The following TOR3A variants were observed in gnomAD, a reference collection of about 807,000 sequenced individuals.
TOR3A encodes torsin-3A.
In TOR3A, 44 loss-of-function variants were observed where a neutral mutation model predicts 42.1. The ratio of observed to expected loss-of-function variants is 1.04; its 90% CI spans 0.82 to 1.34. The LOEUF (loss-of-function observed/expected upper bound fraction) is 1.34, where lower values mean the gene tolerates loss of function less well. TOR3A is among the 40% of genes most tolerant of loss of function. TOR3A has a pLI of 0.00. For missense variants in TOR3A, 521 were observed against 507.6 expected, an observed-to-expected ratio of 1.03 and a Z score of -0.25; for synonymous variants, 227 against 213.2, an observed-to-expected ratio of 1.06 and a Z score of -0.57.
At position 179,094,336 on chromosome 1, in the gene TOR3A, T is replaced by C; in HGVS notation, c.943+119T>C. On this transcript the variant is annotated intron_variant, in intron 5 of 5. Transcript: ENST00000367627. ...ACTTGGGAACACAGAGGGCAGACTATAATCATCTCACATTGTCAACCCTGG... is the reference window on the plus strand; with the variant it reads ...ACTTGGGAACACAGAGGGCAGACTACAATCATCTCACATTGTCAACCCTGG... 2.3e-6 allele frequency: 3 copies of C among 1,291,422 alleles called. No individual in the cohort carries two copies. The South Asian group carries it at 4.9e-5, about 21-fold the overall frequency. The allele number at this position is 1,291,422 out of a possible 1,614,324, so 80.0% of individuals were successfully genotyped here.
At chr1:179,085,299 C>G (rs571948051) in intron 2 of TOR3A, 39 of 272,688 alleles carry the variant, frequency 1.4e-4, no homozygotes, top group Middle Eastern at 1.3e-3. Flanking sequence ...TGGTGGGCAC[C>G]TGTAATCCCA....
intron 4 of TOR3A, among the ~76,000 whole-genome samples, chr1:179,093,354 A>C (rs1405976996): frequency 2.6e-5 from 4 of 152,020 alleles, no homozygotes; most frequent in Non-Finnish European, 4.4e-5. Flanking sequence ...AAACACTCAA[A>C]CGTGTGTAAA....
chr1:179,089,163 A>G (rs1165653742), intron 4 of TOR3A, among the ~76,000 whole-genome samples: 1 of 152,098 alleles, frequency 6.6e-6, no homozygotes, highest in Non-Finnish European at 1.5e-5. Flanking sequence ...TCTACTAAAA[A>G]TACAAAAATT....
chr1:179,087,909 A>T lies in TOR3A; in HGVS notation c.640-2A>T. Reference sequence around the variant, plus strand: ...CCCAGCTGCTCCCTATATCCCGTGCAGGAGCAGCTGATGAGCCAGATCCGG... The same window carrying T: ...CCCAGCTGCTCCCTATATCCCGTGCTGGAGCAGCTGATGAGCCAGATCCGG... On this transcript the variant is annotated splice_acceptor_variant, in intron 3 of 5. Coordinates refer to ENST00000367627, the MANE Select transcript of TOR3A (RefSeq NM_022371.4). LOFTEE classifies it high-confidence loss of function. 1 of 1,578,748 alleles carries T rather than the reference A, an allele frequency of 6.3e-7. No individual in the cohort carries two copies. Among genetic ancestry groups the T allele is most frequent in the South Asian group, 1.2e-5 (1 of 85,362 alleles).
intron 4 of TOR3A, among the ~76,000 whole-genome samples, chr1:179,090,246 T>C (rs1224721479): frequency 6.6e-6 from 1 of 152,204 alleles, no homozygotes. Flanking sequence ...CTAGTGGCTC[T>C]GGTGTGGGCC....
chr1:179,095,050 C>G lies in TOR3A; in HGVS notation c.1026C>G (p.His342Gln). ...CCTTCCTGCCTTTGGAGTACCGTCACGTGAGGCTGTGTGCACGGGATGCCT... is the reference window on the plus strand; with the variant it reads ...CCTTCCTGCCTTTGGAGTACCGTCAGGTGAGGCTGTGTGCACGGGATGCCT... ...FIPFLPLEYR[H>Q]VRLCARDAFL... The change falls in exon 6 of 6, where the codon CAC (histidine) becomes CAG (glutamine). Residue 342 changes from histidine (H) to glutamine (Q), a missense_variant. Coordinates refer to ENST00000367627, the MANE Select transcript of TOR3A (RefSeq NM_022371.4). The G allele has an allele frequency of 6.2e-7, 1 of 1,614,178 alleles. No individual in the cohort carries two copies. Among genetic ancestry groups the G allele is most frequent in the East Asian group, 2.2e-5 (1 of 44,880 alleles).
rs780868488 is a variant in TOR3A at position 179,082,376 on chromosome 1, C to A, written c.248C>A (p.Thr83Lys). The change falls in exon 1 of 6, where the codon ACG becomes AAG. Residue 83 changes from threonine to lysine, a missense_variant. Coordinates refer to ENST00000367627, the MANE Select transcript of TOR3A (RefSeq NM_022371.4). ...TGTGACGAGGACGAGGAGGCAGCCA[C>A]GGGGCCCCTGGGTAAGACCCCGTCC... ...DDCDEDEEAA[T>K]GPLGWRLPLL... 6.2e-7 allele frequency: 1 copy of A among 1,605,398 alleles called. No homozygotes were observed. The highest frequency in any genetic ancestry group is 8.5e-7 in the Non-Finnish European group (1 of 1,177,218).
chr1:179,095,874 G>A lies in TOR3A; in HGVS notation c.*656G>A, dbSNP rs1263696470. 11 of 985,016 alleles carry A rather than the reference G, an allele frequency of 1.1e-5. No homozygotes were observed. 61.0% of individuals were successfully genotyped at this position (985,016 alleles called of 1,614,324 possible). On this transcript the variant is annotated 3_prime_UTR_variant, in exon 6 of 6. Transcript: ENST00000367627. ...TATTTTACAAACCAGGTCAGTGTAG[G>A]CCAAGACTTATGGTCTACAGATTTT... is the stretch of plus-strand genomic sequence containing the variant.
chr1:179,092,514 T>C (rs1354131566), intron 4 of TOR3A, among the ~76,000 whole-genome samples: 4 of 152,070 alleles, frequency 2.6e-5, no homozygotes, highest in South Asian at 2.1e-4. Context: ...CACTTGAGCC[T>C]AGGAGTTTGA....
In TOR3A at chr1:179,094,102, G is replaced by A. The variant is rs1196653534; in HGVS notation, c.828G>A (p.Arg276=). 2 of 1,613,310 alleles carry A rather than the reference G, an allele frequency of 1.2e-6. No homozygotes were observed. The highest frequency in any genetic ancestry group is 1.7e-6 in the Non-Finnish European group (2 of 1,179,774). ...CTCTTGTCTCTTTCAGTAATCTCAG[G>A]GGCGATATAATCAATGAGGTGGTCC... ...WTIFLFLSNL[R]GDIINEVVLK... The change falls in exon 5 of 6, where the codon AGG becomes AGA. Residue 276 remains arginine (R), a synonymous_variant. Coordinates refer to ENST00000367627, the MANE Select transcript of TOR3A (RefSeq NM_022371.4).
At position 179,095,629 on chromosome 1, in the gene TOR3A, G is replaced by C; in HGVS notation, c.*411G>C. ...GTCTCCTTAGCATCTCAGCTCTTCT[G>C]CAAGGAAGAGCTTGGGTGTTAGGCC... On this transcript the variant is annotated 3_prime_UTR_variant, in exon 6 of 6. Coordinates refer to ENST00000367627, the MANE Select transcript of TOR3A (RefSeq NM_022371.4). The C allele has an allele frequency of 9.7e-7, 1 of 1,035,770 alleles. No individual in the cohort carries two copies. The highest frequency in any genetic ancestry group is 8.7e-5 in the East Asian group (1 of 11,456). 64.2% of individuals were successfully genotyped at this position (1,035,770 alleles called of 1,614,324 possible).
At chr1:179,092,624 A>T (rs1557889184) in intron 4 of TOR3A, among the ~76,000 whole-genome samples, 1 of 152,166 alleles carries the variant, frequency 6.6e-6, no homozygotes, top group Non-Finnish European at 1.5e-5. Flanking sequence ...AGGCGGGCAG[A>T]TCAGCTGAGG....
At chr1:179,084,245 T>C (rs557700450) in intron 2 of TOR3A, among the ~76,000 whole-genome samples, 1 of 152,272 alleles carries the variant, frequency 6.6e-6, no homozygotes, top group Admixed American at 6.5e-5. Context: ...TTTTTTTACT[T>C]ATTTATTTTG....
At chr1:179,083,220 C>T (rs1244344644) in intron 2 of TOR3A, among the ~76,000 whole-genome samples, 167 bp downstream of exon 2, 1 of 152,070 alleles carries the variant, frequency 6.6e-6, no homozygotes. Flanking sequence ...ATGCTTGAGT[C>T]AGGGAAGCCC....
chr1:179,092,584 C>T (rs1343056241), intron 4 of TOR3A, among the ~76,000 whole-genome samples: 3 of 151,794 alleles, frequency 2.0e-5, no homozygotes, highest in South Asian at 2.1e-4. Context: ...AAAATAGGGC[C>T]GGGCACACCT....
At chr1:179,083,188 T>C in intron 2 of TOR3A, 135 bp downstream of exon 2, 1 of 527,542 alleles carries the variant, frequency 1.9e-6, no homozygotes, top group Non-Finnish European at 3.3e-6. Context: ...ACAGTCTGAC[T>C]GAAGTTTTGA....
At chr1:179,093,221 C>T (rs1652641878) in intron 4 of TOR3A, among the ~76,000 whole-genome samples, 1 of 152,164 alleles carries the variant, frequency 6.6e-6, no homozygotes, top group African/African-American at 2.4e-5. Flanking sequence ...TCTACGGTTG[C>T]ATCTTCTCTC....
Position 179,082,199 on chromosome 1 carries a change from G to A in TOR3A, c.71G>A (p.Arg24His). The A allele has an allele frequency of 6.6e-7, 1 of 1,504,506 alleles. No individual in the cohort carries two copies. The highest frequency in any genetic ancestry group is 2.7e-5 in the East Asian group (1 of 37,360). The allele number at this position is 1,504,506 out of a possible 1,614,324, so 93.2% of individuals were successfully genotyped here. Residue 24 changes from arginine (R) to histidine (H), a missense_variant, in exon 1 of 6, where the codon CGC (arginine) becomes CAC (histidine). Coordinates refer to ENST00000367627, the MANE Select transcript of TOR3A (RefSeq NM_022371.4). ...LLLLPGAPEPRGASRPWEGTD... is the reference protein window; with the variant it reads ...LLLLPGAPEPHGASRPWEGTD... Reference sequence around the variant, plus strand: ...CTGCTCCCGGGCGCGCCTGAGCCCCGCGGCGCCTCCAGGCCGTGGGAGGGA... The same window carrying A: ...CTGCTCCCGGGCGCGCCTGAGCCCCACGGCGCCTCCAGGCCGTGGGAGGGA...
At position 179,095,328 on chromosome 1, in the gene TOR3A, T is replaced by C; in HGVS notation, c.*110T>C. On this transcript the variant is annotated 3_prime_UTR_variant, in exon 6 of 6. Transcript: ENST00000367627. ...AGGTGTTTGAGGGTGTGGACTGGCA[T>C]CCAGCAGCCACTAACAAACACACAA... The C allele has an allele frequency of 2.6e-6, 4 of 1,534,596 alleles. No individual in the cohort carries two copies.
Sources: allele counts gnomAD v4.1 joint callset (sites outside exome capture counted in the v4.1 genomes callset), GRCh38; gene constraint gnomAD v4.1.1; transcripts MANE v1.5; gene names NCBI Gene and HGNC (gene_info 2026-07-23, HGNC 2026-07-21).